ATL2: variants seen among roughly 807,000 people sequenced by gnomAD.
ATL2 encodes the protein atlastin-2.
Under a neutral mutation model 73.9 loss-of-function variants are expected in ATL2, and 31 were observed. That is an observed-to-expected ratio of 0.42 (90% CI 0.32 to 0.57). The LOEUF is 0.57. ATL2 is among the 20% of genes least tolerant of loss of function. The probability of loss-of-function intolerance (pLI) is 0.14; values close to 1 mark genes in which losing one functional copy is unlikely to be tolerated. For synonymous variants in ATL2, 291 were observed against 237.5 expected, an observed-to-expected ratio of 1.23 and a Z score of -2.07; for missense variants, 738 against 702.6, an observed-to-expected ratio of 1.05 and a Z score of -0.57.
At chr2:38,302,574 C>T (rs773421533) in intron 9 of ATL2, among the ~76,000 whole-genome samples, 2 of 152,148 alleles carry the variant, frequency 1.3e-5, no homozygotes, top group Admixed American at 6.5e-5. Flanking sequence ...CACAATGGTG[C>T]TTGTGTCACC....
chr2:38,340,122 C>T lies in ATL2; in HGVS notation c.363+3146G>A, dbSNP rs571201863. The stretch of plus-strand genomic sequence containing the variant: ...ATTTCATTCACGTAAAGTTCAAAAA[C>T]AGTGAAATGAACCTGTGGTGAAAAG... On this transcript the variant is annotated intron_variant, in intron 2 of 12. Coordinates refer to ENST00000378954, the MANE Select transcript of ATL2 (RefSeq NM_001135673.4). 4.0e-5 allele frequency among the ~76,000 whole-genome samples: 5 copies of T among 126,104 alleles called. No individual in the cohort carries two copies. The South Asian group carries it at 1.3e-3, about 32-fold the overall frequency. 82.7% of individuals were successfully genotyped at this position (126,104 alleles called of 152,430 possible). A position where few individuals can be genotyped will look rare whatever the true frequency, so the allele number is the denominator to read the frequency against.
At chr2:38,353,984 G>A (rs1670509173) in intron 1 of ATL2, 1 of 240,516 alleles carries the variant, frequency 4.2e-6, no homozygotes, top group Non-Finnish European at 8.5e-6. Context: ...CGAGAGGTCA[G>A]GAGATCGAGA....
At chr2:38,308,893 G>A (rs942623520) in intron 9 of ATL2, among the ~76,000 whole-genome samples, 2 of 151,636 alleles carry the variant, frequency 1.3e-5, no homozygotes, top group Non-Finnish European at 1.5e-5. Flanking sequence ...CTTCCACAGC[G>A]GTCTTGTTCT....
At chr2:38,313,345 A>C in intron 6 of ATL2, 102 bp from the exon 7 acceptor site, 1 of 783,822 alleles carries the variant, frequency 1.3e-6, no homozygotes, top group Non-Finnish European at 2.0e-6. Flanking sequence ...CTCCTAAACA[A>C]TCCTTATCAA....
chr2:38,368,770 T>C (rs925223117), intron 1 of ATL2, among the ~76,000 whole-genome samples: 6 of 151,902 alleles, frequency 3.9e-5, no homozygotes, highest in African/African-American at 1.5e-4. Context: ...TGGGAAATGC[T>C]CAAAAAATAT....
At chr2:38,300,380 C>A in intron 9 of ATL2, 52 bp from the exon 10 acceptor site, 1 of 1,283,078 alleles carries the variant, frequency 7.8e-7, no homozygotes, top group East Asian at 2.3e-5. Context: ...TTTGGCTCCA[C>A]ATCCCCAAAG....
intron 2 of ATL2, among the ~76,000 whole-genome samples, chr2:38,338,380 A>G (rs1371904556): frequency 6.6e-6 from 1 of 152,168 alleles, no homozygotes; most frequent in Non-Finnish European, 1.5e-5. Context: ...GACAAGATCA[A>G]TTGTACCCCA....
intron 2 of ATL2, among the ~76,000 whole-genome samples, chr2:38,327,726 A>C (rs1321703714): frequency 6.6e-6 from 1 of 152,178 alleles, no homozygotes; most frequent in Non-Finnish European, 1.5e-5. Context: ...ACCTGAGGTC[A>C]GGAGTTCGTG....
At position 38,375,254 on chromosome 2, in the gene ATL2, T is replaced by C. The variant is rs1245764191; in HGVS notation, c.118+1889A>G. Among the ~76,000 whole-genome samples, 3 of 152,200 alleles carry C rather than the reference T, an allele frequency of 2.0e-5. No homozygotes were observed. The East Asian group carries it at 5.8e-4, about 29-fold the overall frequency. On this transcript the variant is annotated intron_variant, in intron 1 of 12. Coordinates refer to ENST00000378954, the MANE Select transcript of ATL2 (RefSeq NM_001135673.4). ...AAATAGATGAGTCCTTTTCATTCAG[T>C]CTGTTTCTTCTCACTTTAAACACAA...
intron 5 of ATL2, 128 bp downstream of exon 5, chr2:38,315,156 C>T (rs1667961268): frequency 2.1e-6 from 2 of 940,548 alleles, no homozygotes; most frequent in South Asian, 5.4e-5. Flanking sequence ...GAGGCTGAGG[C>T]AGGAGAATCC....
intron 4 of ATL2, 86 bp from the exon 5 acceptor site, chr2:38,315,420 G>A (rs1332256349): frequency 7.3e-7 from 1 of 1,378,716 alleles, no homozygotes; most frequent in African/African-American, 1.5e-5. Flanking sequence ...TGGAAAAAAG[G>A]TTATTTTGTA....
At chr2:38,321,829 C>CATG (rs1307634189) in intron 2 of ATL2, among the ~76,000 whole-genome samples, 2 of 152,172 alleles carry the variant, frequency 1.3e-5, no homozygotes, top group Non-Finnish European at 2.9e-5. Flanking sequence ...CCTCCTACCT[C>CATG]AGCCTCCTAA....
rs568284309 is a variant in ATL2 at position 38,313,087 on chromosome 2, G to A, written c.804+64C>T. The A allele has an allele frequency of 7.7e-5, 90 of 1,171,898 alleles. No homozygotes were observed. The East Asian group carries it at 1.4e-3, about 18-fold the overall frequency. 72.6% of individuals were successfully genotyped at this position (1,171,898 alleles called of 1,614,324 possible). On this transcript the variant is annotated intron_variant, in intron 7 of 12. Coordinates refer to ENST00000378954, the MANE Select transcript of ATL2 (RefSeq NM_001135673.4). ...ATACTGGTAATGTGACCAGCAGTCCGGACAGCCCACCCGTTTGCCTAGCTT... is the reference window on the plus strand; with the variant it reads ...ATACTGGTAATGTGACCAGCAGTCCAGACAGCCCACCCGTTTGCCTAGCTT...
intron 2 of ATL2, among the ~76,000 whole-genome samples, chr2:38,323,856 G>C (rs1396966758): frequency 2.0e-5 from 3 of 152,132 alleles, no homozygotes; most frequent in Admixed American, 2.0e-4. Flanking sequence ...ATGTATCAGA[G>C]CACACCCGCT....
rs574769989 is a variant in ATL2 at position 38,312,623 on chromosome 2, C to T, written c.804+528G>A. On this transcript the variant is annotated intron_variant, in intron 7 of 12. Transcript: ENST00000378954. ...CTACGGGAGGCTGAGGCAGGAGAAT[C>T]GCTTGAACCCGGGAAGCGGAGGTTG... Among the ~76,000 whole-genome samples the T allele has an allele frequency of 3.3e-5, 5 of 151,248 alleles. 1 individual carries two copies. The South Asian group carries it at 6.3e-4, about 19-fold the overall frequency.
intron 2 of ATL2, among the ~76,000 whole-genome samples, chr2:38,321,114 A>G (rs946706335): frequency 2.0e-5 from 3 of 152,182 alleles, no homozygotes; most frequent in Admixed American, 2.0e-4. Flanking sequence ...TGGAGGTTGC[A>G]GTGAGCTGAG....
chr2:38,347,080 C>G (rs996320305), intron 1 of ATL2, among the ~76,000 whole-genome samples: 8 of 152,276 alleles, frequency 5.3e-5, no homozygotes, highest in Non-Finnish European at 1.2e-4. Flanking sequence ...TATGTAAGTA[C>G]TTATTTATTA....
At chr2:38,311,253 A>G (rs1394009902) in intron 7 of ATL2, among the ~76,000 whole-genome samples, 3 of 152,288 alleles carry the variant, frequency 2.0e-5, no homozygotes, top group East Asian at 3.9e-4. Context: ...CCCTCTCTAC[A>G]TGATTATTTA....
intron 2 of ATL2, among the ~76,000 whole-genome samples, chr2:38,328,547 T>C (rs1437596622): frequency 6.6e-6 from 1 of 152,116 alleles, no homozygotes; most frequent in Admixed American, 6.6e-5. Context: ...ACTCCCCAAA[T>C]AGTTGGAGTT....
Sources: allele counts gnomAD v4.1 joint callset (sites outside exome capture counted in the v4.1 genomes callset), GRCh38; gene constraint gnomAD v4.1.1; transcripts MANE v1.5; gene names NCBI Gene and HGNC (gene_info 2026-07-23, HGNC 2026-07-21).